Variants in ASCC3 observed in about 807,000 individuals in gnomAD.
ASCC3 encodes the protein ASC-1 complex subunit P200.
Under a neutral mutation model 256.3 loss-of-function variants are expected in ASCC3, and 158 were observed. The ratio of observed to expected loss-of-function variants is 0.62; its 90% CI spans 0.54 to 0.70. The LOEUF (loss-of-function observed/expected upper bound fraction) is 0.70, where lower values mean the gene tolerates loss of function less well. Ranked by LOEUF, ASCC3 falls within the 30% of genes least tolerant of loss-of-function variation. The probability of loss-of-function intolerance (pLI) is 0.00; values close to 1 mark genes in which losing one functional copy is unlikely to be tolerated. For missense variants in ASCC3, 2,259 were observed against 2,626.0 expected (o/e 0.86, Z 3.05); for synonymous variants, 948 against 883.4 (o/e 1.07, Z -1.30).
At chr6:100,867,854 T>C in intron 2 of ASCC3, 54 bp downstream of exon 2, 1 of 1,393,524 alleles carries the variant, frequency 7.2e-7, no homozygotes, top group South Asian at 1.2e-5. Flanking sequence ...CAAATAGTTG[T>C]CCATAGTCTG....
In ASCC3 at chr6:100,589,724, G is replaced by A. The variant is rs150239828; in HGVS notation, c.5460C>T (p.Ser1820=). ...IEPLTYGRIA[S]YYYLKHQTVK... is the part of the protein sequence containing the mutation. ...CTGTTTGATGCTTCAAATAGTAATAGGAGGCAATTCGGCCATAAGTTAGAG... is the reference window on the plus strand; with the variant it reads ...CTGTTTGATGCTTCAAATAGTAATAAGAGGCAATTCGGCCATAAGTTAGAG... The change falls in exon 36 of 42, where the codon TCC becomes TCT. Residue 1820 remains serine (S), a synonymous_variant. Transcript: ENST00000369162. The A allele has an allele frequency of 1.2e-6, 2 of 1,613,742 alleles. No individual in the cohort carries two copies. Among genetic ancestry groups the A allele is most frequent in the Non-Finnish European group, 1.7e-6 (2 of 1,179,804 alleles).
intron 37 of ASCC3, among the ~76,000 whole-genome samples, chr6:100,519,877 T>G (rs1036290632): frequency 8.5e-5 from 13 of 152,144 alleles, no homozygotes; most frequent in African/African-American, 3.1e-4. Context: ...AAAATCATGC[T>G]CACTACTTAT....
At position 100,550,076 on chromosome 6, in the gene ASCC3, T is replaced by C. The variant is rs192497087; in HGVS notation, c.5551-9689A>G. On this transcript the variant is annotated intron_variant, in intron 36 of 41. Transcript: ENST00000369162. ...CCATGAGCAGGAGCTTTCTGTCAAGTATGCAAAATACACTTAAAGAAACAG... is the reference window on the plus strand; with the variant it reads ...CCATGAGCAGGAGCTTTCTGTCAAGCATGCAAAATACACTTAAAGAAACAG... 2.6e-5 allele frequency among the ~76,000 whole-genome samples: 4 copies of C among 152,022 alleles called. No individual in the cohort carries two copies. The East Asian group carries it at 7.7e-4, about 29-fold the overall frequency.
chr6:100,639,797 T>C (rs1419103563), intron 24 of ASCC3, among the ~76,000 whole-genome samples: 1 of 152,178 alleles, frequency 6.6e-6, no homozygotes, highest in Non-Finnish European at 1.5e-5. Flanking sequence ...CACCAGACTG[T>C]AGGTTTCTTA....
chr6:100,522,263 T>C (rs1337270505), intron 37 of ASCC3, among the ~76,000 whole-genome samples: 1 of 152,086 alleles, frequency 6.6e-6, no homozygotes, highest in South Asian at 2.1e-4. Context: ...TTTCAGTGAG[T>C]TGTTGATTCG....
At chr6:100,801,801 C>T (rs1769930144) in intron 5 of ASCC3, among the ~76,000 whole-genome samples, 1 of 151,090 alleles carries the variant, frequency 6.6e-6, no homozygotes, top group South Asian at 2.1e-4. Context: ...CAACATTCTG[C>T]CAGTTTTCAC....
chr6:100,636,361 C>G (rs1395403789), intron 25 of ASCC3, among the ~76,000 whole-genome samples: 1 of 152,040 alleles, frequency 6.6e-6, no homozygotes, highest in African/African-American at 2.4e-5. Flanking sequence ...ATGAACTACA[C>G]CATATAAGAT....
At chr6:100,612,838 C>A (rs919991447) in intron 30 of ASCC3, among the ~76,000 whole-genome samples, 1 of 151,850 alleles carries the variant, frequency 6.6e-6, no homozygotes, top group Non-Finnish European at 1.5e-5. Context: ...CTCTTTCTGA[C>A]GCTCAAAGAC....
At chr6:100,779,191 A>T (rs1436243311) in intron 8 of ASCC3, among the ~76,000 whole-genome samples, 1 of 152,200 alleles carries the variant, frequency 6.6e-6, no homozygotes, top group Non-Finnish European at 1.5e-5. Flanking sequence ...TTAAAATAGT[A>T]ATCAAGGAGA....
At chr6:100,859,764 C>T (rs757064104) in intron 3 of ASCC3, among the ~76,000 whole-genome samples, 20 of 151,830 alleles carry the variant, frequency 1.3e-4, no homozygotes, top group Admixed American at 3.9e-4. Context: ...ATAAAAAAGT[C>T]AAAACTCATA....
chr6:100,607,161 A>C (rs1478699828), intron 30 of ASCC3, 73 bp from the exon 31 acceptor site: 13 of 1,485,358 alleles, frequency 8.8e-6, no homozygotes, highest in Admixed American at 6.9e-5. Flanking sequence ...CATGTTTCAA[A>C]AAACATTAAT....
At chr6:100,855,372 C>A (rs1350623666) in intron 3 of ASCC3, among the ~76,000 whole-genome samples, 1 of 152,232 alleles carries the variant, frequency 6.6e-6, no homozygotes, top group Non-Finnish European at 1.5e-5. Context: ...CCGCCTTGGC[C>A]TCCCAAAATT....
intron 4 of ASCC3, among the ~76,000 whole-genome samples, chr6:100,837,275 A>G (rs890387293): frequency 6.6e-6 from 1 of 152,138 alleles, no homozygotes; most frequent in Non-Finnish European, 1.5e-5. Flanking sequence ...GACCTCTTAT[A>G]CACTGTCAGT....
intron 13 of ASCC3, among the ~76,000 whole-genome samples, chr6:100,713,520 A>G (rs142438544): frequency 6.6e-6 from 1 of 152,318 alleles, no homozygotes; most frequent in African/African-American, 2.4e-5. Context: ...AAATTCATGC[A>G]ATGTACAAAA....
At chr6:100,580,710 C>A (rs1352006867) in intron 36 of ASCC3, among the ~76,000 whole-genome samples, 1 of 151,740 alleles carries the variant, frequency 6.6e-6, no homozygotes, top group Non-Finnish European at 1.5e-5. Context: ...TTAGGTATAT[C>A]TCCCAATGCT....
At chr6:100,511,290 C>T (rs1277328645) in intron 40 of ASCC3, among the ~76,000 whole-genome samples, 2 of 151,948 alleles carry the variant, frequency 1.3e-5, no homozygotes, top group East Asian at 3.9e-4. Flanking sequence ...TGGTGGCAGG[C>T]ACCTGTAATC....
At chr6:100,559,824 T>C (rs545849784) in intron 36 of ASCC3, among the ~76,000 whole-genome samples, 213 of 144,622 alleles carry the variant, frequency 1.5e-3, no homozygotes, top group African/African-American at 5.2e-3. Context: ...CCAACCAACC[T>C]GGGTCACAGA....
intron 22 of ASCC3, among the ~76,000 whole-genome samples, chr6:100,645,032 G>A (rs73502915): frequency 0.02 from 3,115 of 152,112 alleles, 106 homozygotes; most frequent in African/African-American, 0.073. Context: ...ATATACTTTC[G>A]TCCTTAACTC....
At chr6:100,656,314 A>T (rs1326210475) in intron 16 of ASCC3, among the ~76,000 whole-genome samples, 2 of 151,624 alleles carry the variant, frequency 1.3e-5, no homozygotes, top group East Asian at 3.9e-4. Flanking sequence ...ACCTCCCAAG[A>T]CACGAATTTG....
Sources: allele counts gnomAD v4.1 joint callset (sites outside exome capture counted in the v4.1 genomes callset), GRCh38; gene constraint gnomAD v4.1.1; transcripts MANE v1.5; gene names NCBI Gene and HGNC (gene_info 2026-07-23, HGNC 2026-07-21).